Variants in TRPM3 observed in about 807,000 individuals in gnomAD.
TRPM3 encodes the protein transient receptor potential cation channel subfamily M member 3.
In TRPM3, 77 loss-of-function variants were observed where a neutral mutation model predicts 181.2. That is an observed-to-expected ratio of 0.42 (90% confidence interval 0.35 to 0.51). TRPM3 has a LOEUF of 0.51. Among genes scored for constraint, TRPM3 ranks in the 20% least tolerant of loss-of-function variants. The pLI, the probability that TRPM3 is intolerant of heterozygous loss-of-function variation, is 0.01. For missense variants in TRPM3, 1,759 were observed against 2,196.7 expected, an observed-to-expected ratio of 0.80 and a Z score of 3.98; for synonymous variants, 745 against 796.4, an observed-to-expected ratio of 0.94 and a Z score of 1.09.
chr9:70,551,621 G>A (rs2046472705), intron 24 of TRPM3, among the ~76,000 whole-genome samples: 1 of 152,124 alleles, frequency 6.6e-6, no homozygotes, highest in Admixed American at 6.5e-5. Flanking sequence ...GGATAAGTGA[G>A]GTTCCTCTTC....
At chr9:70,967,129 G>C (rs1293888084) in intron 1 of TRPM3, among the ~76,000 whole-genome samples, 1 of 152,048 alleles carries the variant, frequency 6.6e-6, no homozygotes, top group African/African-American at 2.4e-5. Context: ...TTTTAAAACT[G>C]TGGTTTTCTC....
At chr9:71,055,326 G>C (rs375664701) in intron 1 of TRPM3, among the ~76,000 whole-genome samples, 6 of 152,168 alleles carry the variant, frequency 3.9e-5, no homozygotes, top group African/African-American at 1.4e-4. Flanking sequence ...TAGAAATAAT[G>C]AAGAGGCTGT....
intron 22 of TRPM3, among the ~76,000 whole-genome samples, chr9:70,579,697 G>C (rs1368279789): frequency 6.6e-6 from 1 of 152,168 alleles, no homozygotes; most frequent in African/African-American, 2.4e-5. Flanking sequence ...TAGAACTTCA[G>C]GTGATCCTGA....
intron 21 of TRPM3, among the ~76,000 whole-genome samples, chr9:70,591,919 T>C (rs1237652660): frequency 6.6e-6 from 1 of 152,220 alleles, no homozygotes; most frequent in East Asian, 1.9e-4. Context: ...ATTAGAATCA[T>C]GCACCCTAAT....
At chr9:71,108,691 G>A (rs1211998834) in intron 1 of TRPM3, among the ~76,000 whole-genome samples, 1 of 152,266 alleles carries the variant, frequency 6.6e-6, no homozygotes, top group Non-Finnish European at 1.5e-5. Flanking sequence ...GCCAAGAGAG[G>A]CAGAAATGAG....
intron 1 of TRPM3, among the ~76,000 whole-genome samples, chr9:71,366,660 C>A (rs775221796): frequency 1.3e-5 from 2 of 152,122 alleles, no homozygotes; most frequent in African/African-American, 4.8e-5. Context: ...TTTTGTAGGG[C>A]AGTGGCTCAT....
At chr9:70,613,001 T>G (rs1041893508) in intron 18 of TRPM3, among the ~76,000 whole-genome samples, 32 of 152,274 alleles carry the variant, frequency 2.1e-4, no homozygotes, top group Non-Finnish European at 4.1e-4. Context: ...TGTGGACTTG[T>G]GGGGACTTTA....
intron 1 of TRPM3, among the ~76,000 whole-genome samples, chr9:71,025,979 A>G (rs2097893162): frequency 6.6e-6 from 1 of 152,206 alleles, no homozygotes; most frequent in Non-Finnish European, 1.5e-5. Flanking sequence ...ACAGGCAAGG[A>G]GCAACCTGCT....
At chr9:71,259,366 T>A (rs1167308772) in intron 1 of TRPM3, among the ~76,000 whole-genome samples, 8 of 152,228 alleles carry the variant, frequency 5.3e-5, no homozygotes, top group Non-Finnish European at 1.2e-4. Flanking sequence ...CATGTACATG[T>A]GTCTTTATAG....
At chr9:71,300,967 G>A (rs1566837) in intron 1 of TRPM3, among the ~76,000 whole-genome samples, 78,060 of 151,826 alleles carry the variant, frequency 0.51, 20,270 homozygotes, top group East Asian at 0.68. Context: ...CATATTCAAT[G>A]GCTAATATGT....
At chr9:71,107,884 ATG>A (rs1268169564) in intron 1 of TRPM3, among the ~76,000 whole-genome samples, 1 of 152,152 alleles carries the variant, frequency 6.6e-6, no homozygotes, top group Non-Finnish European at 1.5e-5. Flanking sequence ...CTTCCAAACA[ATG>A]TGCTATTTTC....
intron 8 of TRPM3, among the ~76,000 whole-genome samples, chr9:70,750,851 A>G (rs944665578): frequency 6.6e-6 from 1 of 152,156 alleles, no homozygotes; most frequent in African/African-American, 2.4e-5. Flanking sequence ...ACCAGGTGAG[A>G]CATCCAAGCG....
intron 1 of TRPM3, among the ~76,000 whole-genome samples, chr9:71,281,997 G>A (rs1411576717): frequency 2.6e-5 from 4 of 152,134 alleles, no homozygotes; most frequent in African/African-American, 7.2e-5. Context: ...GGAGGCAGAG[G>A]TTGTGGCAAG....
intron 8 of TRPM3, among the ~76,000 whole-genome samples, chr9:70,693,566 T>C (rs1184134985): frequency 5.3e-5 from 8 of 152,330 alleles, no homozygotes; most frequent in Non-Finnish European, 1.5e-5. Flanking sequence ...GGACATCAAA[T>C]ACTTCTGCAG....
chr9:70,624,925 A>T (rs1250101147), intron 14 of TRPM3, among the ~76,000 whole-genome samples: 1 of 152,228 alleles, frequency 6.6e-6, no homozygotes, highest in African/African-American at 2.4e-5. Context: ...AATAAACACC[A>T]ATAGGTAGAA....
chr9:70,928,858 C>A (rs141984388), intron 1 of TRPM3, among the ~76,000 whole-genome samples: 54 of 152,306 alleles, frequency 3.5e-4, no homozygotes, highest in Non-Finnish European at 7.1e-4. Flanking sequence ...TGACAATTAG[C>A]CACCACCTAG....
At chr9:70,944,953 G>A (rs1184807918) in intron 1 of TRPM3, among the ~76,000 whole-genome samples, 2 of 151,446 alleles carry the variant, frequency 1.3e-5, no homozygotes, top group African/African-American at 2.4e-5. Context: ...ATCAATGGAA[G>A]TTTGTTTACA....
At chr9:71,146,200 A>C (rs1245183593) in intron 1 of TRPM3, among the ~76,000 whole-genome samples, 1 of 152,188 alleles carries the variant, frequency 6.6e-6, no homozygotes, top group South Asian at 2.1e-4. Flanking sequence ...ATGTGGGTAC[A>C]CAATGACACA....
At chr9:70,850,036 C>T (rs2095161678) in intron 3 of TRPM3, among the ~76,000 whole-genome samples, 1 of 152,112 alleles carries the variant, frequency 6.6e-6, no homozygotes, top group African/African-American at 2.4e-5. Flanking sequence ...CATATATATG[C>T]CAGAAATCCA....
Sources: gnomAD v4.1 joint callset for allele counts (sites outside exome capture counted in the v4.1 genomes callset) on GRCh38, gnomAD v4.1.1 for gene constraint, MANE v1.5 for transcripts, NCBI Gene and HGNC (gene_info 2026-07-23, HGNC 2026-07-21) for gene names.